THSD7A: variants seen among roughly 807,000 people sequenced by gnomAD.
The protein encoded by THSD7A is thrombospondin type-1 domain-containing protein 7A.
In THSD7A, 96 loss-of-function variants were observed where a neutral mutation model predicts 231.3. The observed-to-expected ratio is 0.41, with a 90% CI of 0.35 to 0.49. THSD7A has a LOEUF of 0.49. Among genes scored for constraint, THSD7A ranks in the 20% least tolerant of loss-of-function variants. THSD7A has a pLI of 0.05. For synonymous variants in THSD7A, 940 were observed against 743.3 expected (o/e 1.26, Z -4.30); for missense variants, 2,290 against 2,070.2 (o/e 1.11, Z -2.06).
chr7:11,556,052 G>A (rs1789830839), intron 4 of THSD7A, among the ~76,000 whole-genome samples: 1 of 151,406 alleles, frequency 6.6e-6, no homozygotes, highest in African/African-American at 2.4e-5. Context: ...GTTTTAATTA[G>A]TATACTTAGA....
chr7:11,498,921 C>T (rs890703294), intron 6 of THSD7A, among the ~76,000 whole-genome samples: 19 of 152,150 alleles, frequency 1.2e-4, no homozygotes, highest in Non-Finnish European at 1.9e-4. Flanking sequence ...CATGGGTTCC[C>T]GTTCTCATAT....
intron 1 of THSD7A, among the ~76,000 whole-genome samples, chr7:11,681,188 C>G (rs1030761138): frequency 6.6e-6 from 1 of 151,904 alleles, no homozygotes. Context: ...ACATCACACA[C>G]TGGGGTCAGT....
At chr7:11,417,081 T>C (rs1783986789) in intron 17 of THSD7A, among the ~76,000 whole-genome samples, 1 of 152,226 alleles carries the variant, frequency 6.6e-6, no homozygotes, top group Non-Finnish European at 1.5e-5. Flanking sequence ...GAGAATAACC[T>C]GACACCATTA....
chr7:11,700,529 C>T (rs1353981155), intron 1 of THSD7A, among the ~76,000 whole-genome samples: 1 of 150,882 alleles, frequency 6.6e-6, no homozygotes, highest in African/African-American at 2.4e-5. Context: ...TAATATATAA[C>T]AAAATGACAG....
intron 1 of THSD7A, among the ~76,000 whole-genome samples, chr7:11,658,922 C>A (rs1038852829): frequency 6.6e-6 from 1 of 151,532 alleles, no homozygotes; most frequent in South Asian, 2.1e-4. Context: ...ATAGTGTATG[C>A]CTAAAAGGAT....
rs190618605 is a variant in THSD7A at position 11,743,592 on chromosome 7, A to T, written c.190+88165T>A. On this transcript the variant is annotated intron_variant, in intron 1 of 27. Coordinates refer to ENST00000423059, the MANE Select transcript of THSD7A (RefSeq NM_015204.3). ...GTACATTTTAATATATCCTTCTTGG[A>T]AATATTATCATTTCATTTTAGAGGC... is the stretch of plus-strand genomic sequence containing the variant. 3.8e-3 allele frequency among the ~76,000 whole-genome samples: 575 copies of T among 151,790 alleles called. 1 individual carries two copies. The highest frequency in any genetic ancestry group is 6.2e-3 in the Non-Finnish European group (422 of 67,866).
chr7:11,675,165 T>C (rs1173637051), intron 1 of THSD7A, among the ~76,000 whole-genome samples: 1 of 151,686 alleles, frequency 6.6e-6, no homozygotes, highest in Non-Finnish European at 1.5e-5. Context: ...GTGCAAGGGG[T>C]CAGGGAACTC....
At chr7:11,552,124 C>T (rs1789654113) in intron 4 of THSD7A, among the ~76,000 whole-genome samples, 1 of 151,932 alleles carries the variant, frequency 6.6e-6, no homozygotes. Context: ...AACATGAACA[C>T]AAAGTAGGGA....
At chr7:11,681,221 G>C (rs1441704698) in intron 1 of THSD7A, among the ~76,000 whole-genome samples, 1 of 151,940 alleles carries the variant, frequency 6.6e-6, no homozygotes, top group Non-Finnish European at 1.5e-5. Context: ...AGCAAGTGGA[G>C]GGATAGCATT....
Position 11,698,801 on chromosome 7 carries a change from C to T in THSD7A, c.191-61840G>A, listed in dbSNP as rs986324755. 5.9e-5 allele frequency among the ~76,000 whole-genome samples: 9 copies of T among 151,378 alleles called. No individual in the cohort carries two copies. The South Asian group carries it at 1.5e-3, about 24-fold the overall frequency. ...CAGAAATGGTAATGTGAAAGGAGAG[C>T]GATGTTAATTATAGAAACTAACAGT... On this transcript the variant is annotated intron_variant, in intron 1 of 27. Transcript: ENST00000423059.
At chr7:11,542,885 G>C in intron 5 of THSD7A, 77 bp downstream of exon 5, 2 of 1,469,880 alleles carry the variant, frequency 1.4e-6, no homozygotes, top group Admixed American at 4.3e-5. Context: ...AAGGAACACA[G>C]AAGAGCATTT....
intron 1 of THSD7A, among the ~76,000 whole-genome samples, chr7:11,706,492 G>A (rs1052750893): frequency 6.6e-6 from 1 of 150,704 alleles, no homozygotes; most frequent in African/African-American, 2.4e-5. Context: ...TTGTTCACAA[G>A]GCTAGTCTAT....
At chr7:11,580,375 T>G (rs63) in intron 4 of THSD7A, among the ~76,000 whole-genome samples, 4,716 of 152,236 alleles carry the variant, frequency 0.031, 113 homozygotes, top group Non-Finnish European at 0.043. Flanking sequence ...TCTCAGGGAT[T>G]AGACAGCCCC....
intron 6 of THSD7A, among the ~76,000 whole-genome samples, chr7:11,521,041 T>C (rs541245004): frequency 7.9e-5 from 12 of 152,332 alleles, no homozygotes; most frequent in African/African-American, 2.9e-4. Context: ...AATGTAATCA[T>C]TTAAAATGTA....
At chr7:11,584,592 T>G (rs1231716941) in intron 4 of THSD7A, among the ~76,000 whole-genome samples, 4 of 152,114 alleles carry the variant, frequency 2.6e-5, no homozygotes, top group Admixed American at 2.6e-4. Context: ...TTAAGTAATG[T>G]GCCTAAGAAT....
chr7:11,560,628 T>G (rs565117834), intron 4 of THSD7A, among the ~76,000 whole-genome samples: 1 of 152,112 alleles, frequency 6.6e-6, no homozygotes, highest in African/African-American at 2.4e-5. Flanking sequence ...TGCTCCCTTA[T>G]AGCATGCAAC....
At position 11,462,111 on chromosome 7, in the gene THSD7A, G is replaced by C. The variant is rs2128298553; in HGVS notation, c.2401C>G (p.Arg801Gly). The C allele has an allele frequency of 1.9e-6, 3 of 1,613,742 alleles. No homozygotes were observed. Among genetic ancestry groups the C allele is most frequent in the East Asian group, 4.5e-5 (2 of 44,854 alleles). The part of the protein sequence containing the change: ...DSSIRKQSRH[R>G]VIIQLPANGG... ...TTGGCTGGCAGCTGAATGATGACCC[G>C]ATGCCTAGACTGCTTCCTGATACTG... is the stretch of plus-strand genomic sequence containing the variant. Residue 801 changes from arginine (R) to glycine (G), a missense_variant, in exon 10 of 28, where the codon CGG (arginine) becomes GGG (glycine). Arg to Gly is a moderately radical substitution (Grantham distance 125, BLOSUM62 -2). Transcript: ENST00000423059.
At chr7:11,614,302 C>T (rs1286883499) in intron 2 of THSD7A, among the ~76,000 whole-genome samples, 2 of 152,146 alleles carry the variant, frequency 1.3e-5, no homozygotes, top group East Asian at 3.9e-4. Context: ...ACAATACTTC[C>T]CGTAACTTGA....
intron 1 of THSD7A, among the ~76,000 whole-genome samples, chr7:11,801,449 G>A (rs1252301685): frequency 6.6e-6 from 1 of 152,086 alleles, no homozygotes; most frequent in Non-Finnish European, 1.5e-5. Flanking sequence ...GAAGCATAGA[G>A]GGCCTAAGAA....
Sources: gnomAD v4.1 joint callset for allele counts (sites outside exome capture counted in the v4.1 genomes callset) on GRCh38, gnomAD v4.1.1 for gene constraint, MANE v1.5 for transcripts, NCBI Gene and HGNC (gene_info 2026-07-23, HGNC 2026-07-21) for gene names.